Variants in VPS16 observed in about 807,000 individuals in gnomAD.
VPS16 encodes the protein vacuolar protein sorting-associated protein 16 homolog.
In VPS16, 82 loss-of-function variants were observed where a neutral mutation model predicts 116.0. That is an observed-to-expected ratio of 0.71 (90% CI 0.59 to 0.85). The LOEUF (loss-of-function observed/expected upper bound fraction) is 0.85, where lower values mean the gene tolerates loss of function less well. VPS16 is among the 40% of genes least tolerant of loss of function. The pLI, the probability that VPS16 is intolerant of heterozygous loss-of-function variation, is 0.00. For missense variants in VPS16, 928 were observed against 1,090.6 expected (o/e 0.85, Z 2.10); for synonymous variants, 406 against 420.7 (o/e 0.96, Z 0.43).
chr20:2,847,528 G>A (rs1178452515), intron 1 of VPS16, among the ~76,000 whole-genome samples: 2 of 148,722 alleles, frequency 1.3e-5, no homozygotes, highest in African/African-American at 5.0e-5. Context: ...CGCCAGGCTG[G>A]AGTGCAATGG....
At position 2,866,477 on chromosome 20, in the gene VPS16, CT is replaced by C. The variant is rs1452677062; in HGVS notation, c.2424del (p.Glu809SerfsTer2). On this transcript the variant is annotated frameshift_variant, in exon 24 of 24. Transcript: ENST00000380445. LOFTEE classifies it high-confidence loss of function. ...GTGGCCATCGAACACCGGAATGAGG[CT>C]GAGCTGAGCCTCGTATTGTCCCACT... Reference protein sequence around the residue: ...ADVAIEHRNEAELSLVLSHCT... With the variant: ...ADVAIEHRNEXELSLVLSHCT... 6.2e-7 allele frequency: 1 copy of C among 1,614,200 alleles called. No homozygotes were observed. The highest frequency in any genetic ancestry group is 2.2e-5 in the East Asian group (1 of 44,880).
chr20:2,843,708 C>G (rs1410733513), intron 1 of VPS16, among the ~76,000 whole-genome samples: 2 of 152,192 alleles, frequency 1.3e-5, no homozygotes, highest in Non-Finnish European at 2.9e-5. Flanking sequence ...ACATTGACCT[C>G]ATTACCACAG....
chr20:2,857,960 C>G (rs893583737), intron 1 of VPS16, among the ~76,000 whole-genome samples: 20 of 152,104 alleles, frequency 1.3e-4, no homozygotes, highest in Non-Finnish European at 5.9e-5. Flanking sequence ...ATCTGCCCAC[C>G]TCACCTCAAA....
At position 2,842,847 on chromosome 20, in the gene VPS16, T is replaced by TAGAC. The variant is rs773945550; in HGVS notation, c.53+2023_53+2024insCAGA. Among the ~76,000 whole-genome samples the TAGAC allele has an allele frequency of 4.8e-3, 523 of 108,560 alleles. 3 individuals are homozygous for TAGAC. The highest frequency in any genetic ancestry group is 0.015 in the East Asian group (39 of 2,642). 71.2% of individuals were successfully genotyped at this position (108,560 alleles called of 152,430 possible). ...ATAGACATATAGATGTATCTATCGA[T>TAGAC]AGATAGATGTATCTATCGATAGATA... is the stretch of plus-strand genomic sequence containing the variant. On this transcript the variant is annotated intron_variant, in intron 1 of 23. Coordinates refer to ENST00000380445, the MANE Select transcript of VPS16 (RefSeq NM_022575.4).
Position 2,865,102 on chromosome 20 carries a change from C to T in VPS16, c.2005-46C>T. On this transcript the variant is annotated intron_variant, in intron 20 of 23. Coordinates refer to ENST00000380445, the MANE Select transcript of VPS16 (RefSeq NM_022575.4). This position sits in a 1 kb window ranked among gnomAD's most constrained non-coding sequence, Gnocchi z 5.2. ...GAGCCTCCTCGTCTCCTGGTCTTCC[C>T]TCCTGGTCCCTCATCCCCATCATGC... 1.9e-6 allele frequency: 3 copies of T among 1,614,062 alleles called. No individual in the cohort carries two copies. Among genetic ancestry groups the T allele is most frequent in the Non-Finnish European group, 2.5e-6 (3 of 1,180,034 alleles).
intron 1 of VPS16, among the ~76,000 whole-genome samples, chr20:2,859,429 G>A (rs1011606550): frequency 8.5e-5 from 13 of 152,176 alleles, no homozygotes; most frequent in African/African-American, 2.9e-4. Context: ...TGTTGGCCAC[G>A]CAGCCTGCCT....
intron 1 of VPS16, among the ~76,000 whole-genome samples, chr20:2,844,036 G>A (rs1308289680): frequency 6.6e-6 from 1 of 152,186 alleles, no homozygotes; most frequent in Non-Finnish European, 1.5e-5. Flanking sequence ...AGAGAGGCCA[G>A]GTTATACAAC....
Position 2,860,725 on chromosome 20 carries a change from A to T in VPS16, c.515-23A>T. 1 of 1,613,432 alleles carries T rather than the reference A, an allele frequency of 6.2e-7. No individual in the cohort carries two copies. The highest frequency in any genetic ancestry group is 8.5e-7 in the Non-Finnish European group (1 of 1,179,962). On this transcript the variant is annotated intron_variant, in intron 5 of 23. Transcript: ENST00000380445. This position sits in a 1 kb window ranked among gnomAD's most constrained non-coding sequence, Gnocchi z 6.1. ...AACGGTGGGCCTTGGTCATCCTAAC[A>T]CTGTCCTTTTCCCTGGCCATAGGTC...
At chr20:2,852,932 A>G (rs4815552) in intron 1 of VPS16, among the ~76,000 whole-genome samples, 71,416 of 151,592 alleles carry the variant, frequency 0.47, 18,975 homozygotes, top group African/African-American at 0.72. Flanking sequence ...AAGATTTCTC[A>G]GTAGCATGCA....
chr20:2,850,841 G>A (rs2089111721), intron 1 of VPS16, among the ~76,000 whole-genome samples: 3 of 150,936 alleles, frequency 2.0e-5, no homozygotes, highest in South Asian at 4.2e-4. Context: ...GCATGGTGGT[G>A]CACACTTGTA....
chr20:2,862,759 G>GGGGGGGGGGGGGGGGGGGGGC, intron 12 of VPS16, 48 bp from the exon 13 acceptor site: 6 of 777,168 alleles, frequency 7.7e-6, no homozygotes, highest in African/African-American at 3.6e-5. Flanking sequence ...GAGGGGGTGG[G>GGGGGGGGGGGGGGGGGGGGGC]ATGGGCAGCA....
In VPS16 at chr20:2,860,345, G is replaced by A. The variant is rs772620388; in HGVS notation, c.347G>A (p.Arg116Gln). The change falls in exon 4 of 24, where the codon CGG becomes CAG. Residue 116 changes from arginine to glutamine, a missense_variant. Physicochemically the swap from Arg to Gln is conservative, Grantham distance 43. Coordinates refer to ENST00000380445, the MANE Select transcript of VPS16 (RefSeq NM_022575.4). This position sits in a 1 kb window ranked among gnomAD's most constrained non-coding sequence, Gnocchi z 6.1. Reference sequence around the variant, plus strand: ...GTTTATGGGCTTCATGGTGACTTCCGGAGACACTTCAGCATGGGCAATGTA... The same window carrying A: ...GTTTATGGGCTTCATGGTGACTTCCAGAGACACTTCAGCATGGGCAATGTA... Reference protein sequence around the residue: ...VLVYGLHGDFRRHFSMGNEVL... With the variant: ...VLVYGLHGDFQRHFSMGNEVL... 5.6e-6 allele frequency: 9 copies of A among 1,614,066 alleles called. No individual in the cohort carries two copies. The highest frequency in any genetic ancestry group is 4.5e-5 in the East Asian group (2 of 44,878).
intron 1 of VPS16, among the ~76,000 whole-genome samples, chr20:2,845,519 C>CT (rs201928172): frequency 6.7e-6 from 1 of 150,314 alleles, no homozygotes; most frequent in Middle Eastern, 3.4e-3. Flanking sequence ...TAAACATGAA[C>CT]TTTTTTTTCA....
intron 1 of VPS16, among the ~76,000 whole-genome samples, chr20:2,847,812 C>G (rs376087188): frequency 1.3e-5 from 2 of 152,018 alleles, no homozygotes; most frequent in African/African-American, 2.4e-5. Flanking sequence ...TTGTCTGCAC[C>G]GATACTCTAA....
At chr20:2,866,147 C>A in intron 22 of VPS16, 65 bp from the exon 23 acceptor site, 2 of 1,453,778 alleles carry the variant, frequency 1.4e-6, no homozygotes, top group South Asian at 2.3e-5. Flanking sequence ...CGCCTCTGCT[C>A]GTAAGAGAGA....
chr20:2,848,924 G>T (rs1361228054), intron 1 of VPS16, among the ~76,000 whole-genome samples: 1 of 152,200 alleles, frequency 6.6e-6, no homozygotes, highest in African/African-American at 2.4e-5. Flanking sequence ...GTTCCTCTGG[G>T]AATGGTGCCA....
In VPS16 at chr20:2,863,464, T is replaced by A; in HGVS notation, c.1476+66T>A. On this transcript the variant is annotated intron_variant, in intron 15 of 23. Coordinates refer to ENST00000380445, the MANE Select transcript of VPS16 (RefSeq NM_022575.4). The surrounding 1 kb of genome is among the most constrained non-coding windows in gnomAD (Gnocchi z 4.4). ...CCAGGCCCTGGTGAGGTGGAGGAAA[T>A]AGAAAGTGTAGAACTGCGCTGGGCA... The A allele has an allele frequency of 6.6e-7, 1 of 1,520,608 alleles. No individual in the cohort carries two copies. The highest frequency in any genetic ancestry group is 9.1e-7 in the Non-Finnish European group (1 of 1,098,498). 94.2% of individuals were successfully genotyped at this position (1,520,608 alleles called of 1,614,324 possible). A position where few individuals can be genotyped will look rare whatever the true frequency, so the allele number is the denominator to read the frequency against.
At position 2,842,856 on chromosome 20, in the gene VPS16, G is replaced by GATACATCTATC. The variant is rs1599967612; in HGVS notation, c.53+2029_53+2030insATACATCTATC. Among the ~76,000 whole-genome samples, 15 of 122,304 alleles carry GATACATCTATC rather than the reference G, an allele frequency of 1.2e-4. 1 individual carries two copies. Among genetic ancestry groups the GATACATCTATC allele is most frequent in the Admixed American group, 9.1e-4 (10 of 11,022 alleles). 80.2% of individuals were successfully genotyped at this position (122,304 alleles called of 152,430 possible). On this transcript the variant is annotated intron_variant, in intron 1 of 23. Coordinates refer to ENST00000380445, the MANE Select transcript of VPS16 (RefSeq NM_022575.4). ...TAGATGTATCTATCGATAGATAGAT[G>GATACATCTATC]TATCTATCGATAGATAGATAGATGT...
intron 1 of VPS16, among the ~76,000 whole-genome samples, chr20:2,853,407 CAA>C (rs59314587): frequency 0.52 from 77,330 of 148,102 alleles, 22,500 homozygotes; most frequent in African/African-American, 0.79. Context: ...CAAACAACAA[CAA>C]AAAAAAAAAA....
Sources: allele counts gnomAD v4.1 joint callset (sites outside exome capture counted in the v4.1 genomes callset), GRCh38; gene constraint gnomAD v4.1.1; non-coding constraint Gnocchi (gnomAD v3.1); transcripts MANE v1.5; gene names NCBI Gene and HGNC (gene_info 2026-07-23, HGNC 2026-07-21).